DGKG: variants seen among roughly 807,000 people sequenced by gnomAD.
DGKG encodes DAG kinase gamma.
A neutral mutation model predicts 105.3 loss-of-function variants in DGKG; 78 were observed. That is an observed-to-expected ratio of 0.74 (90% CI 0.62 to 0.89). DGKG has a LOEUF of 0.89. Ranked by LOEUF, DGKG falls within the 40% of genes least tolerant of loss-of-function variation. The pLI is 0.00. For missense variants in DGKG, 958 were observed against 1,020.1 expected, an observed-to-expected ratio of 0.94 and a Z score of 0.83; for synonymous variants, 346 against 367.1, an observed-to-expected ratio of 0.94 and a Z score of 0.66.
intron 1 of DGKG, among the ~76,000 whole-genome samples, chr3:186,350,456 T>A (rs1726573253): frequency 6.6e-6 from 1 of 152,240 alleles, no homozygotes; most frequent in South Asian, 2.1e-4. Context: ...TTTCATTGTA[T>A]ACATTTACCA....
intron 13 of DGKG, among the ~76,000 whole-genome samples, chr3:186,267,014 C>T (rs1014695): frequency 0.81 from 122,816 of 152,152 alleles, 50,298 homozygotes; most frequent in East Asian, 0.97. Flanking sequence ...AAGTGTTTGA[C>T]GCTTGTTTGA....
chr3:186,279,998 T>A (rs146121178), intron 8 of DGKG, 25 bp from the exon 9 acceptor site: 2 of 1,613,088 alleles, frequency 1.2e-6, no homozygotes, highest in Non-Finnish European at 1.7e-6. Context: ...GAGCAATCAT[T>A]GTCCATTTTC....
intron 1 of DGKG, among the ~76,000 whole-genome samples, chr3:186,338,841 C>CCCAAGGCAGATATGTT (rs1725955010): frequency 6.6e-6 from 1 of 152,064 alleles, no homozygotes; most frequent in Admixed American, 6.5e-5. Context: ...AAGGCAGATA[C>CCCAAGGCAGATATGTT]CCAAGCAGTT....
chr3:186,339,286 G>A (rs1725977715), intron 1 of DGKG, among the ~76,000 whole-genome samples: 1 of 152,188 alleles, frequency 6.6e-6, no homozygotes, highest in Admixed American at 6.5e-5. Flanking sequence ...ATATCACAGA[G>A]CTTCCATAAA....
At chr3:186,219,125 T>TGTTAACC (rs1213368117) in intron 20 of DGKG, among the ~76,000 whole-genome samples, 1 of 147,300 alleles carries the variant, frequency 6.8e-6, no homozygotes, top group African/African-American at 2.5e-5. Flanking sequence ...TTAGTGATTA[T>TGTTAACC]GTTAACCGAA....
intron 12 of DGKG, among the ~76,000 whole-genome samples, 185 bp from the exon 13 acceptor site, chr3:186,267,962 AG>A (rs1216639029): frequency 6.6e-6 from 1 of 151,890 alleles, no homozygotes; most frequent in Non-Finnish European, 1.5e-5. Flanking sequence ...AAGGGTGCAA[AG>A]TCTGCTGTGG....
At chr3:186,355,368 GATC>G (rs375066543) in intron 1 of DGKG, among the ~76,000 whole-genome samples, 2 of 71,598 alleles carry the variant, frequency 2.8e-5, no homozygotes, top group South Asian at 1.0e-3. Flanking sequence ...CTACCACCAT[GATC>G]ATCACCACCA....
At chr3:186,335,087 C>T (rs542482200) in intron 1 of DGKG, among the ~76,000 whole-genome samples, 1 of 152,170 alleles carries the variant, frequency 6.6e-6, no homozygotes, top group South Asian at 2.1e-4. Flanking sequence ...TGGGTCTAAC[C>T]CAAGTCCTGG....
At chr3:186,220,983 G>A (rs559743946) in intron 20 of DGKG, among the ~76,000 whole-genome samples, 21 of 152,292 alleles carry the variant, frequency 1.4e-4, no homozygotes, top group Admixed American at 3.9e-4. Context: ...GTCTGAAATC[G>A]GATCCTTTCC....
At chr3:186,302,547 TATATATATATACAC>T in intron 3 of DGKG, among the ~76,000 whole-genome samples, 1 of 34,182 alleles carries the variant, frequency 2.9e-5, no homozygotes, top group Non-Finnish European at 6.6e-5. Context: ...TGTATATATA[TATATATATATACAC>T]ATATGTATAT....
At chr3:186,186,707 T>C (rs1187872847) in intron 22 of DGKG, among the ~76,000 whole-genome samples, 1 of 152,232 alleles carries the variant, frequency 6.6e-6, no homozygotes, top group Admixed American at 6.5e-5. Context: ...CCAGCGCTTT[T>C]ACACCTGGCT....
intron 22 of DGKG, among the ~76,000 whole-genome samples, chr3:186,182,138 A>G (rs1294009185): frequency 6.6e-6 from 1 of 152,220 alleles, no homozygotes; most frequent in Non-Finnish European, 1.5e-5. Context: ...GGAACTCCAC[A>G]TGGGCAGCAA....
intron 1 of DGKG, among the ~76,000 whole-genome samples, chr3:186,345,694 G>A (rs1244847493): frequency 6.6e-6 from 1 of 152,126 alleles, no homozygotes; most frequent in Non-Finnish European, 1.5e-5. Flanking sequence ...TGGGGTTTTA[G>A]GCCCAAATTT....
intron 1 of DGKG, among the ~76,000 whole-genome samples, chr3:186,345,833 G>A (rs183973426): frequency 1.3e-4 from 20 of 152,232 alleles, no homozygotes; most frequent in Admixed American, 4.6e-4. Context: ...GCAGTGGCGC[G>A]ATCTCAGCTC....
chr3:186,287,648 CACTTTTAACATTA>C (rs1236135828), intron 6 of DGKG, among the ~76,000 whole-genome samples: 1 of 152,198 alleles, frequency 6.6e-6, no homozygotes, highest in East Asian at 1.9e-4. Context: ...TTTGATGTTT[CACTTTTAACATTA>C]GCTAGAAGAA....
intron 8 of DGKG, 48 bp downstream of exon 8, chr3:186,280,622 C>A (rs372661457): frequency 6.9e-7 from 1 of 1,443,912 alleles, no homozygotes; most frequent in South Asian, 1.1e-5. Context: ...GTCCCCCTCC[C>A]GTCTTAGAAG....
chr3:186,307,312 T>C (rs1486653344), intron 2 of DGKG, among the ~76,000 whole-genome samples: 1 of 152,230 alleles, frequency 6.6e-6, no homozygotes, highest in East Asian at 1.9e-4. Context: ...CCTTGGTGAT[T>C]TTATTTATCC....
chr3:186,236,154 C>T (rs1720411138), intron 20 of DGKG, among the ~76,000 whole-genome samples: 1 of 152,156 alleles, frequency 6.6e-6, no homozygotes, highest in South Asian at 2.1e-4. Context: ...CAAAGTGGTG[C>T]CATATTCCCA....
In DGKG at chr3:186,164,998, C is replaced by T. The variant is rs2108480302; in HGVS notation, c.2116G>A (p.Glu706Lys). The T allele has an allele frequency of 1.2e-6, 2 of 1,613,780 alleles. No individual in the cohort carries two copies. The highest frequency in any genetic ancestry group is 1.7e-6 in the Non-Finnish European group (2 of 1,179,910). Reference sequence around the variant, plus strand: ...ATGGCTCCTTCTAGCCCCACCACTTCAAGGAGCTGGTCACTGAGGTCTGCA... The same window carrying T: ...ATGGCTCCTTCTAGCCCCACCACTTTAAGGAGCTGGTCACTGAGGTCTGCA... ...CVQDLSDQLL[E>K]VVGLEGAMEM... The change falls in exon 23 of 25, where the codon GAA becomes AAA. Residue 706 changes from glutamate to lysine, a missense_variant. By Grantham distance (56) the Glu-to-Lys change is moderately conservative. Transcript: ENST00000265022.
Sources: allele counts gnomAD v4.1 joint callset (sites outside exome capture counted in the v4.1 genomes callset), GRCh38; gene constraint gnomAD v4.1.1; transcripts MANE v1.5; gene names NCBI Gene and HGNC (gene_info 2026-07-23, HGNC 2026-07-21).